Variants in CHRDL1 observed in about 807,000 individuals in gnomAD.
The protein encoded by CHRDL1 is chordin like 1.
A neutral mutation model predicts 40.9 loss-of-function variants in CHRDL1; 19 were observed. The observed-to-expected ratio is 0.46, with a 90% CI of 0.32 to 0.68. The LOEUF (loss-of-function observed/expected upper bound fraction) is 0.68, where lower values mean the gene tolerates loss of function less well. CHRDL1 is among the 30% of genes least tolerant of loss of function. CHRDL1 has a pLI of 0.03. For synonymous variants in CHRDL1, 136 were observed against 123.4 expected (o/e 1.10, Z -0.68); for missense variants, 329 against 352.1 (o/e 0.93, Z 0.53).
chrX:110,717,767 G>A (rs185415378), intron 6 of CHRDL1, among the ~76,000 whole-genome samples: 8 of 112,059 alleles, frequency 7.1e-5, no homozygotes, highest in East Asian at 2.8e-4. Flanking sequence ...GAACAGGGGT[G>A]TAACACGGTG....
At chrX:110,735,398 A>T (rs909830507) in intron 4 of CHRDL1, among the ~76,000 whole-genome samples, 1 of 111,815 alleles carries the variant, frequency 8.9e-6, no homozygotes, top group Non-Finnish European at 1.9e-5. Flanking sequence ...CCTAGGTAAC[A>T]ACTATGAATG....
chrX:110,695,037 T>G (rs1167093954), intron 7 of CHRDL1, among the ~76,000 whole-genome samples: 1 of 110,911 alleles, frequency 9.0e-6, no homozygotes, highest in Non-Finnish European at 1.9e-5. Context: ...GATTTTTTTT[T>G]TTAAAGTTAG....
chrX:110,717,410 G>A (rs2070862829), intron 6 of CHRDL1, among the ~76,000 whole-genome samples: 1 of 112,020 alleles, frequency 8.9e-6, no homozygotes, highest in Non-Finnish European at 1.9e-5. Flanking sequence ...GTAACTTGAG[G>A]TTAGACCATG....
chrX:110,728,038 A>G (rs1352963078), intron 4 of CHRDL1, among the ~76,000 whole-genome samples: 2 of 111,626 alleles, frequency 1.8e-5, no homozygotes, highest in Non-Finnish European at 3.8e-5. Flanking sequence ...ACAGAAAGAT[A>G]TATTATTAAA....
chrX:110,710,696 A>T (rs917868394), intron 6 of CHRDL1, among the ~76,000 whole-genome samples: 5 of 112,082 alleles, frequency 4.5e-5, no homozygotes, highest in Non-Finnish European at 7.5e-5. Context: ...AATTTTGAGC[A>T]CAAGAGATGG....
At chrX:110,702,775 T>C (rs1253583683) in intron 6 of CHRDL1, among the ~76,000 whole-genome samples, 2 of 111,766 alleles carry the variant, frequency 1.8e-5, no homozygotes, top group African/African-American at 6.5e-5. Flanking sequence ...TATTACTATC[T>C]TATATTTCTT....
intron 4 of CHRDL1, among the ~76,000 whole-genome samples, chrX:110,732,312 T>C (rs1412038244): frequency 9.0e-6 from 1 of 111,092 alleles, no homozygotes; most frequent in Non-Finnish European, 1.9e-5. Flanking sequence ...GGAGACTCTG[T>C]GGGACCACAC....
At chrX:110,729,457 T>C (rs2071118985) in intron 4 of CHRDL1, among the ~76,000 whole-genome samples, 1 of 111,382 alleles carries the variant, frequency 9.0e-6, no homozygotes, top group African/African-American at 3.3e-5. Context: ...CATAAGAACT[T>C]AACTCTCCTG....
In CHRDL1 at chrX:110,767,370, C is replaced by T. The variant is rs373087027; in HGVS notation, c.95-4563G>A. 7.4e-3 allele frequency among the ~76,000 whole-genome samples: 812 copies of T among 110,448 alleles called. 9 individuals carry two copies. The highest frequency in any genetic ancestry group is 0.025 in the African/African-American group (773 of 30,368). ...ATCAGACAAGAGAAAGAAATAAAGG[C>T]CATCCAGATCAGTAAAGAGGAAGTC... On this transcript the variant is annotated intron_variant, in intron 2 of 11. Transcript: ENST00000372042.
At position 110,689,627 on chromosome X, in the gene CHRDL1, T is replaced by TATCTATATATATCTATATATC. The variant is rs1296142582; in HGVS notation, c.779-825_779-824insGATATATAGATATATATAGAT. On this transcript the variant is annotated intron_variant, in intron 8 of 11. Coordinates refer to ENST00000372042, the MANE Select transcript of CHRDL1 (RefSeq NM_001143981.2). Reference sequence around the variant, plus strand: ...ATATCTATATATCTATATATCTATATATCTATATATCTATATATATCTATA... The same window carrying TATCTATATATATCTATATATC: ...ATATCTATATATCTATATATCTATATATCTATATATATCTATATATCATCTATATATCTATATATATCTATA... Among the ~76,000 whole-genome samples the TATCTATATATATCTATATATC allele has an allele frequency of 1.4e-4, 6 of 42,835 alleles. 1 individual carries two copies. The highest frequency in any genetic ancestry group is 1.2e-3 in the East Asian group (3 of 2,493). The allele number at this position is 42,835 out of a possible 115,157, so 37.2% of individuals were successfully genotyped here.
At chrX:110,688,207 A>T (rs1036895782) in intron 9 of CHRDL1, among the ~76,000 whole-genome samples, 9 of 110,382 alleles carry the variant, frequency 8.2e-5, no homozygotes, top group African/African-American at 2.6e-4. Context: ...TTCCACTATA[A>T]CTCACCTGCC....
At chrX:110,750,771 A>C in intron 4 of CHRDL1, among the ~76,000 whole-genome samples, 1 of 112,075 alleles carries the variant, frequency 8.9e-6, no homozygotes, top group Non-Finnish European at 1.9e-5. Context: ...GGAAGATGGC[A>C]GAAGAGGCAG....
Position 110,681,594 on chromosome X carries a change from C to T in CHRDL1, c.1044G>A (p.Thr348=), listed in dbSNP as rs776403786. The T allele has an allele frequency of 5.8e-6, 7 of 1,205,027 alleles. No homozygotes were observed. Among genetic ancestry groups the T allele is most frequent in the South Asian group, 1.8e-5 (1 of 56,561 alleles). Residue 348 remains threonine (T), a synonymous_variant, in exon 10 of 12, where the codon ACG becomes ACA. Coordinates refer to ENST00000372042, the MANE Select transcript of CHRDL1 (RefSeq NM_001143981.2). ...TGAATACAGACTCATACACAGGCAT[C>T]GTTTCTTCCCCGCAGAAGTAGCCTT... ...DNKGYFCGEE[T]MPVYESVFME... is the part of the protein sequence containing the mutation.
intron 11 of CHRDL1, among the ~76,000 whole-genome samples, chrX:110,676,576 A>G (rs930982308): frequency 7.2e-5 from 8 of 111,875 alleles, no homozygotes; most frequent in African/African-American, 2.6e-4. Flanking sequence ...ATTTCAACAC[A>G]TAGCATTTGT....
In CHRDL1 at chrX:110,694,456, C is replaced by T. The variant is rs1037486949; in HGVS notation, c.610-125G>A. ...GGTGAGCTCTGATTTCAGCTGCATG[C>T]TTACCTACACCAATAGAAATAGGGA... On this transcript the variant is annotated intron_variant, in intron 7 of 11. Coordinates refer to ENST00000372042, the MANE Select transcript of CHRDL1 (RefSeq NM_001143981.2). 4 of 444,270 alleles carry T rather than the reference C, an allele frequency of 9.0e-6. No homozygotes were observed. In the African/African-American group the frequency reaches 9.9e-5, roughly 11 times the overall value. 36.6% of individuals were successfully genotyped at this position (444,270 alleles called of 1,213,427 possible).
chrX:110,790,935 C>A (rs2090088291), intron 2 of CHRDL1, among the ~76,000 whole-genome samples: 1 of 105,910 alleles, frequency 9.4e-6, no homozygotes, highest in Non-Finnish European at 1.9e-5. Context: ...ACCGCTCATG[C>A]TCAAAAGCAT....
At chrX:110,784,656 C>T (rs945478171) in intron 2 of CHRDL1, among the ~76,000 whole-genome samples, 2 of 111,364 alleles carry the variant, frequency 1.8e-5, no homozygotes, top group African/African-American at 6.5e-5. Context: ...TCGTGATTCA[C>T]CTGCCTGGGC....
At position 110,687,745 on chromosome X, in the gene CHRDL1, T is replaced by C. The variant is rs770398074; in HGVS notation, c.988+849A>G. ...CTCAGAGGGGTGAAGTGACTTGTTA[T>C]AGATCACACAGGAAACCTGTGGCAA... On this transcript the variant is annotated intron_variant, in intron 9 of 11. Transcript: ENST00000372042. 4.5e-5 allele frequency among the ~76,000 whole-genome samples: 5 copies of C among 111,914 alleles called. No individual in the cohort carries two copies. In the South Asian group the frequency reaches 1.9e-3, roughly 43 times the overall value.
intron 8 of CHRDL1, among the ~76,000 whole-genome samples, chrX:110,691,300 C>G (rs2070272290): frequency 9.3e-6 from 1 of 107,261 alleles, no homozygotes; most frequent in Non-Finnish European, 1.9e-5. Flanking sequence ...GAGTATCTTT[C>G]TATGCAAATC....
Sources: gnomAD v4.1 joint callset for allele counts (sites outside exome capture counted in the v4.1 genomes callset) on GRCh38, gnomAD v4.1.1 for gene constraint, MANE v1.5 for transcripts, NCBI Gene and HGNC (gene_info 2026-07-23, HGNC 2026-07-21) for gene names.